The following GFUS variants were observed in gnomAD, a reference collection of about 807,000 sequenced individuals.
GFUS encodes 3-5 epimerase/4-reductase.
In GFUS, 42 loss-of-function variants were observed where a neutral mutation model predicts 41.5. The observed-to-expected ratio is 1.01, with a 90% CI of 0.79 to 1.31. GFUS has a LOEUF of 1.31. Ranked by LOEUF, GFUS falls within the 50% of genes most tolerant of loss-of-function variation. The probability of loss-of-function intolerance (pLI) is 0.00; values close to 1 mark genes in which losing one functional copy is unlikely to be tolerated. For synonymous variants in GFUS, 188 were observed against 173.4 expected (o/e 1.08, Z -0.66); for missense variants, 437 against 428.7 (o/e 1.02, Z -0.17).
chr8:143,613,178 T>C lies in GFUS; in HGVS notation c.910+18A>G, dbSNP rs1217819805. 6 of 1,611,768 alleles carry C rather than the reference T, an allele frequency of 3.7e-6. No individual in the cohort carries two copies. Among genetic ancestry groups the C allele is most frequent in the Non-Finnish European group, 5.1e-6 (6 of 1,178,540 alleles). On this transcript the variant is annotated intron_variant, in intron 10 of 10. Coordinates refer to ENST00000425753, the MANE Select transcript of GFUS (RefSeq NM_003313.4). ...GGCAGGCCTCCACCAAGTGGAGGGC[T>C]GTGGGGTCAGGGCTCACCCTGCTTG... is the stretch of plus-strand genomic sequence containing the variant.
Position 143,614,617 on chromosome 8 carries a change from C to G in GFUS, c.464+7G>C, listed in dbSNP as rs766483767. The stretch of plus-strand genomic sequence containing the variant: ...TGGCTGGGCCTCAGCAGGATGGGCG[C>G]GAGGACCTGTTCTGCACGTCGATCA... On this transcript the variant is annotated splice_region_variant and intron_variant, in intron 5 of 10. Transcript: ENST00000425753. The G allele has an allele frequency of 2.5e-6, 4 of 1,580,664 alleles. No homozygotes were observed. The highest frequency in any genetic ancestry group is 3.5e-6 in the Non-Finnish European group (4 of 1,158,104).
intron 9 of GFUS, 45 bp from the exon 10 acceptor site, chr8:143,613,340 C>T (rs1332317146): frequency 1.9e-6 from 3 of 1,578,280 alleles, no homozygotes; most frequent in African/African-American, 2.7e-5. Flanking sequence ...ACCTCCACCC[C>T]AGCCCCCGCA....
chr8:143,613,924 C>A, intron 7 of GFUS, 107 bp from the exon 8 acceptor site: 1 of 1,315,220 alleles, frequency 7.6e-7, no homozygotes, highest in South Asian at 1.3e-5. Flanking sequence ...GGGGGCTCAG[C>A]CTGGGGAACA....
At chr8:143,616,011 G>A in intron 3 of GFUS, 95 bp downstream of exon 3, 1 of 1,049,772 alleles carries the variant, frequency 9.5e-7, no homozygotes. Context: ...TTCCTGGGGT[G>A]GGAATGTGGG....
Position 143,616,653 on chromosome 8 carries a change from G to C in GFUS, c.60C>G (p.Gly20=), listed in dbSNP as rs1309082717. The part of the protein sequence containing the change: ...ILVTGGSGLV[G]KAIQKVVADG... ...CTGCTACCACCTTCTGGATGGCTTTGCCTACCAGCCCAGAGCCCCCTGTCA... is the reference window on the plus strand; with the variant it reads ...CTGCTACCACCTTCTGGATGGCTTTCCCTACCAGCCCAGAGCCCCCTGTCA... The change falls in exon 2 of 11, where the codon GGC becomes GGG. Residue 20 remains glycine (G), a synonymous_variant. Coordinates refer to ENST00000425753, the MANE Select transcript of GFUS (RefSeq NM_003313.4). 1 of 1,613,830 alleles carries C rather than the reference G, an allele frequency of 6.2e-7. No homozygotes were observed. The highest frequency in any genetic ancestry group is 1.7e-5 in the Admixed American group (1 of 60,016).
intron 3 of GFUS, 52 bp from the exon 4 acceptor site, chr8:143,614,967 C>A: frequency 6.5e-7 from 1 of 1,549,458 alleles, no homozygotes; most frequent in Middle Eastern, 1.8e-4. Flanking sequence ...GATCCCAGCC[C>A]TTACCTGCTC....
In GFUS at chr8:143,614,203, C is replaced by G. The variant is rs368480990; in HGVS notation, c.624G>C (p.Trp208Cys). 113 of 1,613,470 alleles carry G rather than the reference C, an allele frequency of 7.0e-5. No individual in the cohort carries two copies. Among genetic ancestry groups the G allele is most frequent in the Non-Finnish European group, 5.1e-5 (60 of 1,180,034 alleles). Residue 208 changes from tryptophan (W) to cysteine (C), a missense_variant, in exon 7 of 11, where the codon TGG becomes TGC. Physicochemically the swap from Trp to Cys is radical, Grantham distance 215 (BLOSUM62 -2). Transcript: ENST00000425753. ...ACTGCCTCCGCGGATTCCCTGTACCCCACACCGTCAGGGCCGAGCCGCTGC... is the reference window on the plus strand; with the variant it reads ...ACTGCCTCCGCGGATTCCCTGTACCGCACACCGTCAGGGCCGAGCCGCTGC... The part of the protein sequence containing the change: ...AKSSGSALTV[W>C]GTGNPRRQFI...
intron 6 of GFUS, 39 bp downstream of exon 6, chr8:143,614,281 G>A (rs146715615): frequency 3.8e-5 from 61 of 1,613,644 alleles, no homozygotes; most frequent in Middle Eastern, 3.3e-4. Context: ...ACCTCCTCCC[G>A]AGCTGAGCCC....
At position 143,614,554 on chromosome 8, in the gene GFUS, C is replaced by T. The variant is rs1293349107; in HGVS notation, c.464+70G>A. 3.9e-6 allele frequency: 6 copies of T among 1,556,546 alleles called. No individual in the cohort carries two copies. The East Asian group carries it at 6.8e-5, about 18-fold the overall frequency. On this transcript the variant is annotated intron_variant, in intron 5 of 10. Coordinates refer to ENST00000425753, the MANE Select transcript of GFUS (RefSeq NM_003313.4). ...AGGCTGGCACGAAGACCCGACCAGCCGGCCCCACCCGCCCCTGGGGGCCCT... is the reference window on the plus strand; with the variant it reads ...AGGCTGGCACGAAGACCCGACCAGCTGGCCCCACCCGCCCCTGGGGGCCCT...
intron 4 of GFUS, 30 bp from the exon 5 acceptor site, chr8:143,614,727 A>C (rs1030357294): frequency 6.2e-7 from 1 of 1,612,964 alleles, no homozygotes; most frequent in Non-Finnish European, 8.5e-7. Context: ...AGAGGCCGCT[A>C]CTTCCTGGCC....
intron 3 of GFUS, among the ~76,000 whole-genome samples, chr8:143,615,272 G>A (rs1201336813): frequency 6.6e-6 from 1 of 152,184 alleles, no homozygotes; most frequent in Non-Finnish European, 1.5e-5. Context: ...ACTACACGGG[G>A]AACAGGGCGG....
rs747668097 is a variant in GFUS at position 143,613,598 on chromosome 8, C to T, written c.736G>A (p.Glu246Lys). The T allele has an allele frequency of 8.7e-6, 14 of 1,611,826 alleles. No homozygotes were observed. Among genetic ancestry groups the T allele is most frequent in the African/African-American group, 5.3e-5 (4 of 74,920 alleles). ...TCCTTGATGGAGACCTCATCTTCCT[C>T]GCCCACTGTGGGGAGCCACCGGGTC... ...EVEPIILSVG[E>K]EDEVSIKEAA... is the part of the protein sequence containing the mutation. The change falls in exon 9 of 11, where the codon GAG becomes AAG. Residue 246 changes from glutamate (E) to lysine (K), a missense_variant. By Grantham distance (56) the Glu-to-Lys change is moderately conservative. Transcript: ENST00000425753.
In GFUS at chr8:143,614,188, C is replaced by T. The variant is rs139618091; in HGVS notation, c.639G>A (p.Pro213=). 1.0e-4 allele frequency: 161 copies of T among 1,613,424 alleles called. No homozygotes were observed. The highest frequency in any genetic ancestry group is 1.3e-4 in the Non-Finnish European group (152 of 1,180,036). Residue 213 remains proline, a synonymous_variant, in exon 7 of 11, where the codon CCG becomes CCA. Transcript: ENST00000425753. ...SALTVWGTGN[P]RRQFIYSLDL... is the part of the protein sequence containing the mutation. ...CCAGCGAGTATATGAACTGCCTCCG[C>T]GGATTCCCTGTACCCCACACCGTCA... is the stretch of plus-strand genomic sequence containing the variant.
chr8:143,615,637 G>T (rs1829706174), intron 3 of GFUS, among the ~76,000 whole-genome samples: 1 of 152,166 alleles, frequency 6.6e-6, no homozygotes, highest in African/African-American at 2.4e-5. Flanking sequence ...CCACGGCAGG[G>T]CCCTTACACC....
intron 6 of GFUS, 24 bp from the exon 7 acceptor site, chr8:143,614,252 G>A (rs369301219): frequency 3.1e-6 from 5 of 1,613,746 alleles, no homozygotes; most frequent in African/African-American, 1.3e-5. Flanking sequence ...GAAGGAGCAG[G>A]TGTCAGAGGC....
At chr8:143,617,225 A>C in intron 1 of GFUS, 1 of 155,532 alleles carries the variant, frequency 6.4e-6, no homozygotes, top group South Asian at 1.9e-4. Context: ...ACCCTCAAGG[A>C]TCCCATCCTG....
chr8:143,614,055 G>T, intron 7 of GFUS, 109 bp downstream of exon 7: 1 of 1,452,508 alleles, frequency 6.9e-7, no homozygotes, highest in Non-Finnish European at 9.4e-7. Context: ...CAGATTCTCT[G>T]CTGGTAGGAG....
rs371054505 is a variant in GFUS, at chr8:143,616,718, T to A, written c.-6A>T. The A allele has an allele frequency of 6.0e-5, 96 of 1,613,350 alleles. No homozygotes were observed. The African/African-American group carries it at 1.1e-3, about 19-fold the overall frequency. ...GATCCCTGGGGTTCACCCATGTCAG[T>A]TGCACCTGTAATGTCAAACAGTGGG... On this transcript the variant is annotated 5_prime_UTR_variant, in exon 2 of 11. Coordinates refer to ENST00000425753, the MANE Select transcript of GFUS (RefSeq NM_003313.4).
upstream of GFUS, chr8:143,617,656 C>T (rs1193723552): frequency 6.6e-6 from 1 of 152,140 alleles, no homozygotes; most frequent in Non-Finnish European, 1.5e-5. Flanking sequence ...GCCGCAAAGC[C>T]GCTTGGGAAG....
Sources: allele counts gnomAD v4.1 joint callset (sites outside exome capture counted in the v4.1 genomes callset), GRCh38; gene constraint gnomAD v4.1.1; transcripts MANE v1.5; gene names NCBI Gene and HGNC (gene_info 2026-07-23, HGNC 2026-07-21).